ADAMTSL1: variants seen among roughly 807,000 people sequenced by gnomAD.
ADAMTSL1 encodes the protein ADAMTS like 1.
Under a neutral mutation model 201.8 loss-of-function variants are expected in ADAMTSL1, and 126 were observed. The ratio of observed to expected loss-of-function variants is 0.62; its 90% confidence interval spans 0.54 to 0.72. ADAMTSL1 has a LOEUF of 0.72. Among genes scored for constraint, ADAMTSL1 ranks in the 30% least tolerant of loss-of-function variants. The pLI, the probability that ADAMTSL1 is intolerant of heterozygous loss-of-function variation, is 0.00. For missense variants in ADAMTSL1, 2,679 were observed against 2,277.8 expected (o/e 1.18, Z -3.59); for synonymous variants, 1,121 against 903.4 (o/e 1.24, Z -4.32).
intron 1 of ADAMTSL1, among the ~76,000 whole-genome samples, chr9:18,008,347 C>G (rs1486415552): frequency 6.6e-6 from 1 of 151,984 alleles, no homozygotes; most frequent in Non-Finnish European, 1.5e-5. Flanking sequence ...CTGATTAAAA[C>G]TCAGCTTAAA....
chr9:17,971,970 T>C (rs998711592), intron 1 of ADAMTSL1, among the ~76,000 whole-genome samples: 3 of 151,768 alleles, frequency 2.0e-5, no homozygotes, highest in Admixed American at 6.6e-5. Context: ...TTTTCTGGCT[T>C]TATCAAAATA....
chr9:18,790,681 C>A (rs1821978890), intron 19 of ADAMTSL1, among the ~76,000 whole-genome samples: 1 of 151,958 alleles, frequency 6.6e-6, no homozygotes, highest in Non-Finnish European at 1.5e-5. Flanking sequence ...CTCGGCTGGT[C>A]CTTAATTTGT....
chr9:18,723,822 T>C (rs1014790045), intron 15 of ADAMTSL1: 2 of 152,284 alleles, frequency 1.3e-5, no homozygotes, highest in African/African-American at 4.8e-5. Context: ...GAGGTGCCTT[T>C]CCTGTGGAAT....
chr9:18,533,672 C>G lies in ADAMTSL1; in HGVS notation c.237+380C>G, dbSNP rs139962392. Among the ~76,000 whole-genome samples, 58 of 152,238 alleles carry G rather than the reference C, an allele frequency of 3.8e-4. 2 individuals are homozygous for G. The East Asian group carries it at 0.011, about 28-fold the overall frequency. On this transcript the variant is annotated intron_variant, in intron 3 of 28. Coordinates refer to ENST00000380548, the MANE Select transcript of ADAMTSL1 (RefSeq NM_001040272.6). ...TTGACAAACTCATTCATTTATTCAA[C>G]AAATATTATTCAGTGCCAACTATGT...
At chr9:18,106,578 G>C (rs777102080) in intron 1 of ADAMTSL1, among the ~76,000 whole-genome samples, 1 of 152,144 alleles carries the variant, frequency 6.6e-6, no homozygotes, top group East Asian at 1.9e-4. Flanking sequence ...TGTCTATCTG[G>C]CTTTAAACTA....
intron 19 of ADAMTSL1, among the ~76,000 whole-genome samples, chr9:18,782,382 G>T (rs1821446061): frequency 6.6e-6 from 1 of 152,152 alleles, no homozygotes; most frequent in African/African-American, 2.4e-5. Flanking sequence ...CTGCTCAAAT[G>T]GCACATATTG....
At chr9:18,759,606 G>C (rs554673534) in intron 16 of ADAMTSL1, among the ~76,000 whole-genome samples, 1 of 152,296 alleles carries the variant, frequency 6.6e-6, no homozygotes, top group African/African-American at 2.4e-5. Context: ...ATGGACACTT[G>C]ATCCTATCTT....
chr9:18,023,907 C>T (rs72697461), intron 1 of ADAMTSL1, among the ~76,000 whole-genome samples: 5,189 of 152,152 alleles, frequency 0.034, 130 homozygotes, highest in Non-Finnish European at 0.05. Flanking sequence ...ATTAAACTGA[C>T]GTATTCAGAA....
intron 2 of ADAMTSL1, among the ~76,000 whole-genome samples, chr9:18,524,894 A>G (rs949542114): frequency 6.6e-6 from 1 of 152,152 alleles, no homozygotes; most frequent in Non-Finnish European, 1.5e-5. Flanking sequence ...ATATTGGTCT[A>G]AAATTCTCTC....
intron 1 of ADAMTSL1, among the ~76,000 whole-genome samples, chr9:18,161,505 T>C (rs1193130561): frequency 1.3e-5 from 2 of 152,088 alleles, no homozygotes; most frequent in Non-Finnish European, 2.9e-5. Flanking sequence ...GGGATCAACA[T>C]ACATTAGTCC....
At chr9:18,287,537 AATAC>A (rs1833045305) in intron 2 of ADAMTSL1, among the ~76,000 whole-genome samples, 1 of 151,380 alleles carries the variant, frequency 6.6e-6, no homozygotes, top group Non-Finnish European at 1.5e-5. Context: ...ATATATGTAA[AATAC>A]ATATACATAC....
intron 2 of ADAMTSL1, among the ~76,000 whole-genome samples, chr9:18,516,661 A>T (rs1299546321): frequency 6.6e-6 from 1 of 152,172 alleles, no homozygotes; most frequent in Non-Finnish European, 1.5e-5. Context: ...ATTGGACTAG[A>T]TTTTAGTTTC....
At chr9:18,218,256 T>A (rs1338240780) in intron 2 of ADAMTSL1, among the ~76,000 whole-genome samples, 1 of 152,124 alleles carries the variant, frequency 6.6e-6, no homozygotes, top group Non-Finnish European at 1.5e-5. Flanking sequence ...CAGCAAGAGG[T>A]CCTACAAAAT....
chr9:18,791,832 T>C (rs1027063790), intron 19 of ADAMTSL1, among the ~76,000 whole-genome samples: 5 of 152,224 alleles, frequency 3.3e-5, no homozygotes, highest in African/African-American at 1.2e-4. Flanking sequence ...TTGCCGCTAC[T>C]CCTATTCTAG....
At chr9:17,996,897 G>A (rs1207057336) in intron 1 of ADAMTSL1, among the ~76,000 whole-genome samples, 1 of 152,132 alleles carries the variant, frequency 6.6e-6, no homozygotes, top group African/African-American at 2.4e-5. Context: ...GAAGAATGAT[G>A]AATACTATTT....
intron 1 of ADAMTSL1, among the ~76,000 whole-genome samples, chr9:18,061,736 A>C (rs987100201): frequency 2.0e-5 from 3 of 152,198 alleles, no homozygotes; most frequent in African/African-American, 7.2e-5. Context: ...AACAAGTTCC[A>C]CTTCTCTGTC....
intron 5 of ADAMTSL1, among the ~76,000 whole-genome samples, chr9:18,625,067 G>A (rs777895309): frequency 5.3e-5 from 8 of 152,062 alleles, no homozygotes; most frequent in Non-Finnish European, 7.4e-5. Flanking sequence ...ACTGTGAGGC[G>A]ACCCACTGGC....
At chr9:18,833,789 C>T (rs772857153) in intron 23 of ADAMTSL1, among the ~76,000 whole-genome samples, 5 of 152,156 alleles carry the variant, frequency 3.3e-5, no homozygotes, top group Non-Finnish European at 5.9e-5. Context: ...ATGGCAATGC[C>T]GAGGTTGTCT....
chr9:18,225,530 A>G lies in ADAMTSL1; in HGVS notation c.207+61549A>G, dbSNP rs543968741. Among the ~76,000 whole-genome samples, 721 of 152,276 alleles carry G rather than the reference A, an allele frequency of 4.7e-3. 1 individual carries two copies. Among genetic ancestry groups the G allele is most frequent in the Middle Eastern group, 0.01 (3 of 294 alleles). ...TGTTAAAATCCTTCTACTAGGCAAT[A>G]CGTTATTAACGTAGATTGAATTATT... On this transcript the variant is annotated intron_variant, in intron 2 of 29. Transcript: ENST00000680146.
Sources: gnomAD v4.1 joint callset for allele counts (sites outside exome capture counted in the v4.1 genomes callset) on GRCh38, gnomAD v4.1.1 for gene constraint, MANE v1.5 for transcripts, NCBI Gene and HGNC (gene_info 2026-07-23, HGNC 2026-07-21) for gene names.